UBR2: variants seen among roughly 807,000 people sequenced by gnomAD.
UBR2 encodes ubiquitin protein ligase E3 component n-recognin 2, also known as E3 ubiquitin-protein ligase UBR2.
A neutral mutation model predicts 247.9 loss-of-function variants in UBR2; 92 were observed. That is an observed-to-expected ratio of 0.37 (90% CI 0.31 to 0.44). The LOEUF (loss-of-function observed/expected upper bound fraction) is 0.44, where lower values mean the gene tolerates loss of function less well. Among genes scored for constraint, UBR2 ranks in the 20% least tolerant of loss-of-function variants. The pLI is 1.00. For missense variants in UBR2, 1,613 were observed against 2,112.6 expected (o/e 0.76, Z 4.64); for synonymous variants, 672 against 693.5 (o/e 0.97, Z 0.49).
chr6:42,632,958 C>CTTTTTTTTTTTTTTTTTT (rs34284200), intron 13 of UBR2, 54 bp downstream of exon 13: 1 of 610,586 alleles, frequency 1.6e-6, no homozygotes, highest in East Asian at 4.3e-5. Context: ...TCTCTTTTCT[C>CTTTTTTTTTTTTTTTTTT]TTTTTTTTTT....
chr6:42,660,748 G>A (rs1169220406), intron 30 of UBR2, among the ~76,000 whole-genome samples: 5 of 151,346 alleles, frequency 3.3e-5, no homozygotes, highest in Non-Finnish European at 5.9e-5. Flanking sequence ...GATCACCTGA[G>A]GTCAGGAGTT....
At position 42,564,675 on chromosome 6, in the gene UBR2, A is replaced by G. The variant is rs138151524; in HGVS notation, c.78+278A>G. On this transcript the variant is annotated intron_variant, in intron 1 of 46. Coordinates refer to ENST00000372901, the MANE Select transcript of UBR2 (RefSeq NM_001363705.2). ...TCTTCCATCATACCTCCTTTCCCCC[A>G]GCCTCCCATTAAGTCTCCCAACACA... Among the ~76,000 whole-genome samples the G allele has an allele frequency of 7.8e-3, 1,188 of 152,250 alleles. 16 individuals are homozygous for G. Among genetic ancestry groups the G allele is most frequent in the African/African-American group, 0.027 (1,133 of 41,556 alleles).
chr6:42,602,191 T>G (rs1326010870), intron 4 of UBR2, among the ~76,000 whole-genome samples: 1 of 150,776 alleles, frequency 6.6e-6, no homozygotes, highest in Non-Finnish European at 1.5e-5. Flanking sequence ...CTGGCCCTTT[T>G]TTTTTTTTCT....
intron 45 of UBR2, 71 bp downstream of exon 45, chr6:42,688,457 C>T (rs931610318): frequency 1.3e-6 from 2 of 1,552,632 alleles, no homozygotes; most frequent in South Asian, 2.3e-5. Flanking sequence ...TCACAGGAAA[C>T]TACTATATTG....
chr6:42,594,922 A>G (rs949165601), intron 4 of UBR2, among the ~76,000 whole-genome samples: 1 of 152,200 alleles, frequency 6.6e-6, no homozygotes, highest in East Asian at 1.9e-4. Context: ...AACTTTCCAT[A>G]TATTTCTAAT....
chr6:42,646,820 T>TAGAG (rs765967046), intron 21 of UBR2, among the ~76,000 whole-genome samples: 13 of 146,632 alleles, frequency 8.9e-5, no homozygotes, highest in South Asian at 2.2e-4. Flanking sequence ...TATATATATA[T>TAGAG]AGAGAGAGAG....
intron 21 of UBR2, among the ~76,000 whole-genome samples, 194 bp from the exon 22 acceptor site, chr6:42,647,923 TA>T (rs1381973644): frequency 6.6e-6 from 1 of 152,226 alleles, no homozygotes; most frequent in Non-Finnish European, 1.5e-5. Flanking sequence ...TCAATTTGAA[TA>T]AACATCAGCT....
chr6:42,625,086 A>T (rs1401286921), intron 11 of UBR2, among the ~76,000 whole-genome samples: 1 of 152,216 alleles, frequency 6.6e-6, no homozygotes, highest in Non-Finnish European at 1.5e-5. Flanking sequence ...GATGGAGTCA[A>T]TTATATCAGA....
chr6:42,603,798 A>AT (rs1217184569), intron 5 of UBR2, 80 bp downstream of exon 5: 2 of 1,372,452 alleles, frequency 1.5e-6, no homozygotes, highest in South Asian at 1.4e-5. Flanking sequence ...GGGCATAATC[A>AT]TTTTTTAATA....
intron 35 of UBR2, 134 bp downstream of exon 35, chr6:42,670,374 A>G: frequency 8.5e-7 from 1 of 1,176,446 alleles, no homozygotes; most frequent in South Asian, 1.6e-5. Flanking sequence ...CTTAGAAGCA[A>G]GAAATGTAAT....
intron 2 of UBR2, among the ~76,000 whole-genome samples, chr6:42,577,384 G>T (rs1791587835): frequency 6.6e-6 from 1 of 152,132 alleles, no homozygotes; most frequent in Non-Finnish European, 1.5e-5. Flanking sequence ...TTCTAAAATT[G>T]TGTTGGTCAC....
At chr6:42,599,507 A>G (rs949745069) in intron 4 of UBR2, among the ~76,000 whole-genome samples, 1 of 152,180 alleles carries the variant, frequency 6.6e-6, no homozygotes, top group Non-Finnish European at 1.5e-5. Flanking sequence ...ATTTAAACCT[A>G]TGTAGTATAG....
chr6:42,567,069 G>T (rs1011391155), intron 1 of UBR2, among the ~76,000 whole-genome samples: 14 of 152,204 alleles, frequency 9.2e-5, no homozygotes, highest in African/African-American at 3.4e-4. Flanking sequence ...AGAAAACAGT[G>T]ATTGTAGGCT....
At chr6:42,688,172 C>T (rs760308072) in intron 44 of UBR2, 44 bp from the exon 45 acceptor site, 2 of 1,613,114 alleles carry the variant, frequency 1.2e-6, no homozygotes, top group Non-Finnish European at 1.7e-6. Flanking sequence ...AGCTCTTTAG[C>T]CACTCTTTAG....
chr6:42,588,598 A>C (rs1792447660), intron 2 of UBR2, among the ~76,000 whole-genome samples: 1 of 152,190 alleles, frequency 6.6e-6, no homozygotes, highest in Admixed American at 6.5e-5. Flanking sequence ...CCAGGAGTTT[A>C]AGGTTGCAGT....
At chr6:42,687,228 A>G (rs1056025699) in intron 44 of UBR2, among the ~76,000 whole-genome samples, 7 of 152,220 alleles carry the variant, frequency 4.6e-5, no homozygotes, top group African/African-American at 1.7e-4. Flanking sequence ...TCCCTCTGCA[A>G]TCCTGGCACC....
At chr6:42,664,289 A>G (rs914664606) in intron 32 of UBR2, 1 of 152,236 alleles carries the variant, frequency 6.6e-6, no homozygotes, top group Non-Finnish European at 1.5e-5. Flanking sequence ...GAATTTGTCT[A>G]GCAGACTAAA....
At chr6:42,631,155 C>T (rs1377503087) in intron 11 of UBR2, among the ~76,000 whole-genome samples, 1 of 152,110 alleles carries the variant, frequency 6.6e-6, no homozygotes, top group Non-Finnish European at 1.5e-5. Flanking sequence ...CTAATCTTGA[C>T]TTATGCGAGG....
chr6:42,570,367 G>A (rs1791037638), intron 1 of UBR2, among the ~76,000 whole-genome samples: 1 of 152,094 alleles, frequency 6.6e-6, no homozygotes, highest in Admixed American at 6.6e-5. Flanking sequence ...CAAGTAGCTG[G>A]GATTACAGGC....
Sources: allele counts gnomAD v4.1 joint callset (sites outside exome capture counted in the v4.1 genomes callset), GRCh38; gene constraint gnomAD v4.1.1; transcripts MANE v1.5; gene names NCBI Gene and HGNC (gene_info 2026-07-23, HGNC 2026-07-21).